The following SASH1 variants were observed in gnomAD, a reference collection of about 807,000 sequenced individuals.
The protein encoded by SASH1 is SAM and SH3 domain containing 1.
SASH1 carries 44 observed loss-of-function variants against 125.2 expected under a neutral mutation model. The ratio of observed to expected loss-of-function variants is 0.35; its 90% CI spans 0.28 to 0.45. The LOEUF (loss-of-function observed/expected upper bound fraction) is 0.45. Among genes scored for constraint, SASH1 ranks in the 20% least tolerant of loss-of-function variants. The pLI is 1.00. For missense variants in SASH1, 1,426 were observed against 1,614.5 expected, an observed-to-expected ratio of 0.88 and a Z score of 2.00; for synonymous variants, 639 against 649.1, an observed-to-expected ratio of 0.98 and a Z score of 0.24.
At chr6:148,406,731 A>G (rs1356969258) in intron 2 of SASH1, among the ~76,000 whole-genome samples, 7 of 152,028 alleles carry the variant, frequency 4.6e-5, no homozygotes, top group Non-Finnish European at 1.0e-4. Flanking sequence ...GGAGGAGCAG[A>G]GAGAATCAAG....
upstream of SASH1, among the ~76,000 whole-genome samples, chr6:148,267,529 C>T (rs1338505398): frequency 6.6e-6 from 1 of 152,058 alleles, no homozygotes; most frequent in Admixed American, 6.5e-5. Context: ...CAGGTGCCCG[C>T]CACCACGCCC....
chr6:148,469,743 A>G (rs1401272274), intron 5 of SASH1, among the ~76,000 whole-genome samples: 1 of 151,428 alleles, frequency 6.6e-6, no homozygotes, highest in Admixed American at 6.6e-5. Flanking sequence ...AAGAAAATAA[A>G]TAGGCCGGAC....
At chr6:148,512,723 A>T (rs1780216222) in intron 8 of SASH1, 1 of 985,244 alleles carries the variant, frequency 1.0e-6, no homozygotes, top group Non-Finnish European at 1.2e-6. Context: ...CTTTATTACT[A>T]GGTAACCAGT....
intron 4 of SASH1, among the ~76,000 whole-genome samples, chr6:148,459,365 G>T (rs909541635): frequency 9.9e-5 from 15 of 152,194 alleles, no homozygotes; most frequent in Non-Finnish European, 1.6e-4. Context: ...CCTTAGTGAG[G>T]CCGTGGCCCA....
At chr6:148,534,248 C>T (rs543451606) in intron 15 of SASH1, among the ~76,000 whole-genome samples, 2 of 152,320 alleles carry the variant, frequency 1.3e-5, no homozygotes, top group African/African-American at 4.8e-5. Flanking sequence ...GGCAGAAACT[C>T]CTGGCACCTT....
At chr6:148,391,323 G>A (rs901689852) in intron 2 of SASH1, among the ~76,000 whole-genome samples, 6 of 150,692 alleles carry the variant, frequency 4.0e-5, no homozygotes, top group Non-Finnish European at 5.9e-5. Flanking sequence ...TGGTCAGGCC[G>A]ATCTTGAACT....
intron 8 of SASH1, chr6:148,509,276 A>G (rs964902564): frequency 1.8e-5 from 4 of 221,452 alleles, no homozygotes; most frequent in African/African-American, 6.9e-5. Context: ...CGACCTAGAA[A>G]GCTGAAGTAT....
At chr6:148,449,551 C>T (rs1382204638) in intron 4 of SASH1, among the ~76,000 whole-genome samples, 1 of 151,906 alleles carries the variant, frequency 6.6e-6, no homozygotes, top group African/African-American at 2.4e-5. Flanking sequence ...CCATGCCCGG[C>T]TAATTTTGTA....
At chr6:148,227,015 A>T in the SASH1 span, among the ~76,000 whole-genome samples, 3 of 152,228 alleles carry the variant, frequency 2.0e-5, no homozygotes, top group Non-Finnish European at 4.4e-5. Context: ...ACTTGGAGTC[A>T]GGAGGTGGTC....
At chr6:148,316,482 C>T (rs1355136607) in intron 1 of SASH1, among the ~76,000 whole-genome samples, 1 of 152,232 alleles carries the variant, frequency 6.6e-6, no homozygotes, top group Non-Finnish European at 1.5e-5. Context: ...ATATATGTCA[C>T]ACTGTTATTG....
intron 1 of SASH1, among the ~76,000 whole-genome samples, chr6:148,281,332 G>A (rs538766020): frequency 2.5e-4 from 38 of 152,060 alleles, no homozygotes; most frequent in African/African-American, 7.0e-4. Context: ...AACGATTTCC[G>A]ACCTAGAACC....
At chr6:148,398,223 C>T (rs80046028) in intron 2 of SASH1, among the ~76,000 whole-genome samples, 3,106 of 152,254 alleles carry the variant, frequency 0.02, 34 homozygotes, top group Middle Eastern at 0.044. Context: ...TAGAATATTC[C>T]GATTCATTCC....
In SASH1 at chr6:148,551,151, C is replaced by CT. The variant is rs146008539; in HGVS notation, c.*2603dup. ...TTTAAAAATATCTTTAGCGTTTGGT[C>CT]TTTTTTTTTTCTGTAAACATTTAAT... On this transcript the variant is annotated 3_prime_UTR_variant, in exon 20 of 20. Coordinates refer to ENST00000367467, the MANE Select transcript of SASH1 (RefSeq NM_015278.5). 4,411 of 149,278 alleles carry CT rather than the reference C, an allele frequency of 0.03. 217 individuals carry two copies. The highest frequency in any genetic ancestry group is 0.1 in the African/African-American group (4,133 of 40,702). 9.2% of individuals were successfully genotyped at this position (149,278 alleles called of 1,614,324 possible). A position where few individuals can be genotyped will look rare whatever the true frequency, so the allele number is the denominator to read the frequency against.
chr6:148,520,074 A>G, intron 10 of SASH1, 181 bp downstream of exon 10: 2 of 581,316 alleles, frequency 3.4e-6, no homozygotes, highest in South Asian at 2.2e-5. Context: ...CACCAGCACC[A>G]CCTGTGACCT....
At chr6:148,441,246 G>A (rs1229987682) in intron 4 of SASH1, among the ~76,000 whole-genome samples, 5 of 152,234 alleles carry the variant, frequency 3.3e-5, no homozygotes, top group South Asian at 2.1e-4. Context: ...CAAAGCACAC[G>A]TTGGGGAGAG....
At chr6:148,203,154 G>A in the SASH1 span, among the ~76,000 whole-genome samples, 51 of 152,322 alleles carry the variant, frequency 3.3e-4, 2 homozygotes, top group South Asian at 0.011. Flanking sequence ...CTGGAAGTAT[G>A]CTTCAGAAGA....
chr6:148,291,648 C>T (rs1316046302), intron 1 of SASH1, among the ~76,000 whole-genome samples: 1 of 152,070 alleles, frequency 6.6e-6, no homozygotes, highest in Non-Finnish European at 1.5e-5. Context: ...CACACCGCTG[C>T]ACTCTAGCCT....
At chr6:148,419,651 C>T (rs1784971991) in intron 2 of SASH1, among the ~76,000 whole-genome samples, 1 of 152,188 alleles carries the variant, frequency 6.6e-6, no homozygotes, top group Non-Finnish European at 1.5e-5. Context: ...CTGCTACAGA[C>T]CATCCGTTTT....
chr6:148,540,372 G>A lies in SASH1; in HGVS notation c.2096-71G>A, dbSNP rs143885102. Reference sequence around the variant, plus strand: ...CAGGGCAGTAACTGAGGATAAAGTCGAGATCTGTTGACTCTGAAACCTCTG... The same window carrying A: ...CAGGGCAGTAACTGAGGATAAAGTCAAGATCTGTTGACTCTGAAACCTCTG... On this transcript the variant is annotated intron_variant, in intron 16 of 19. Transcript: ENST00000367467. The A allele has an allele frequency of 8.9e-5, 105 of 1,182,656 alleles. No individual in the cohort carries two copies. In the African/African-American group the frequency reaches 1.4e-3, roughly 16 times the overall value. 73.3% of individuals were successfully genotyped at this position (1,182,656 alleles called of 1,614,324 possible). A position where few individuals can be genotyped will look rare whatever the true frequency, so the allele number is the denominator to read the frequency against.
Sources: gnomAD v4.1 joint callset for allele counts (sites outside exome capture counted in the v4.1 genomes callset) on GRCh38, gnomAD v4.1.1 for gene constraint, MANE v1.5 for transcripts, NCBI Gene and HGNC (gene_info 2026-07-23, HGNC 2026-07-21) for gene names.